Variants in SLC28A3 observed in about 807,000 individuals in gnomAD.
SLC28A3 encodes the protein concentrative Na(+)-nucleoside cotransporter 3.
SLC28A3 carries 68 observed loss-of-function variants against 84.2 expected under a neutral mutation model. The observed-to-expected ratio is 0.81, with a 90% CI of 0.66 to 0.99. SLC28A3 has a LOEUF of 0.99. Ranked by LOEUF, SLC28A3 falls within the 50% of genes least tolerant of loss-of-function variation. SLC28A3 has a pLI of 0.00. For synonymous variants in SLC28A3, 267 were observed against 303.6 expected (o/e 0.88, Z 1.25); for missense variants, 712 against 841.5 (o/e 0.85, Z 1.90).
At position 84,302,182 on chromosome 9, in the gene SLC28A3, A is replaced by T. The variant is rs755997498; in HGVS notation, c.524+18T>A. 17 of 1,609,514 alleles carry T rather than the reference A, an allele frequency of 1.1e-5. No individual in the cohort carries two copies. The African/African-American group carries it at 1.9e-4, about 18-fold the overall frequency. On this transcript the variant is annotated intron_variant, in intron 5 of 17. Transcript: ENST00000376238. ...TACTATCTCTCTTAACTGAAATAAGAGAACCAATTGCATTTACCACTTCAG... is the reference window on the plus strand; with the variant it reads ...TACTATCTCTCTTAACTGAAATAAGTGAACCAATTGCATTTACCACTTCAG...
chr9:84,349,808 G>T, the SLC28A3 span, among the ~76,000 whole-genome samples: 786 of 152,328 alleles, frequency 5.2e-3, 3 homozygotes, highest in African/African-American at 0.018. Flanking sequence ...GCAACTTATG[G>T]ATAAACAAGA....
chr9:84,341,821 A>G (rs1419285090), upstream of SLC28A3, among the ~76,000 whole-genome samples: 1 of 152,130 alleles, frequency 6.6e-6, no homozygotes, highest in African/African-American at 2.4e-5. Context: ...AAAATACTGC[A>G]AAACTGTGGA....
intron 1 of SLC28A3, among the ~76,000 whole-genome samples, chr9:84,333,752 A>G (rs1344405115): frequency 6.6e-6 from 1 of 152,206 alleles, no homozygotes; most frequent in East Asian, 1.9e-4. Flanking sequence ...AGCAAAGTTG[A>G]AAGTATATGT....
At chr9:84,315,394 C>T (rs978854185) in intron 1 of SLC28A3, among the ~76,000 whole-genome samples, 4 of 152,188 alleles carry the variant, frequency 2.6e-5, no homozygotes, top group Non-Finnish European at 5.9e-5. Flanking sequence ...CGGATCCTTA[C>T]GGAATCCTGA....
chr9:84,337,441 T>TGTGTGTGTGTGTGTGC (rs1364543892), intron 1 of SLC28A3, among the ~76,000 whole-genome samples: 408 of 151,016 alleles, frequency 2.7e-3, no homozygotes, highest in African/African-American at 9.8e-3. Context: ...CCTGTGTGTG[T>TGTGTGTGTGTGTGTGC]GCGCGCGCGT....
upstream of SLC28A3, among the ~76,000 whole-genome samples, chr9:84,344,948 C>T (rs1827225419): frequency 6.6e-6 from 1 of 152,064 alleles, no homozygotes; most frequent in African/African-American, 2.4e-5. Context: ...TAGGGCCTCC[C>T]AAGGGTTGTG....
In SLC28A3 at chr9:84,277,665, G is replaced by A. The variant is rs1824572493; in HGVS notation, c.*553C>T. ...TGGATTTAAACCCTGGTTTTGGTAT[G>A]ATCCACGTGTTCTCCTCAAGGACTC... On this transcript the variant is annotated 3_prime_UTR_variant, in exon 18 of 18. Coordinates refer to ENST00000376238, the MANE Select transcript of SLC28A3 (RefSeq NM_001199633.2). 6.6e-6 allele frequency: 1 copy of A among 152,406 alleles called. No individual in the cohort carries two copies. The highest frequency in any genetic ancestry group is 2.4e-5 in the African/African-American group (1 of 41,466). 9.4% of individuals were successfully genotyped at this position (152,406 alleles called of 1,614,324 possible). A position where few individuals can be genotyped will look rare whatever the true frequency, so the allele number is the denominator to read the frequency against.
chr9:84,279,770 A>C (rs1824667199), intron 16 of SLC28A3, among the ~76,000 whole-genome samples: 1 of 152,230 alleles, frequency 6.6e-6, no homozygotes, highest in East Asian at 1.9e-4. Flanking sequence ...TATTTTATTA[A>C]TTAAGGAAGT....
At position 84,276,222 on chromosome 9, in the gene SLC28A3, T is replaced by A. The variant is rs1306304692; in HGVS notation, c.*1996A>T. The A allele has an allele frequency of 2.0e-5, 3 of 152,126 alleles. No homozygotes were observed. The highest frequency in any genetic ancestry group is 4.4e-5 in the Non-Finnish European group (3 of 68,032). The allele number at this position is 152,126 out of a possible 1,614,324, so 9.4% of individuals were successfully genotyped here. A position where few individuals can be genotyped will look rare whatever the true frequency, so the allele number is the denominator to read the frequency against. ...AAGTATTATCAGTAAAACTTTAGTGTCTCAACTGAGATATGCAAACCAGAC... is the reference window on the plus strand; with the variant it reads ...AAGTATTATCAGTAAAACTTTAGTGACTCAACTGAGATATGCAAACCAGAC... On this transcript the variant is annotated 3_prime_UTR_variant, in exon 18 of 18. Coordinates refer to ENST00000376238, the MANE Select transcript of SLC28A3 (RefSeq NM_001199633.2).
At chr9:84,347,812 C>T in the SLC28A3 span, among the ~76,000 whole-genome samples, 5 of 152,238 alleles carry the variant, frequency 3.3e-5, no homozygotes, top group South Asian at 4.2e-4. Flanking sequence ...TGGTGCTTAG[C>T]GTAGTGCTTG....
upstream of SLC28A3, among the ~76,000 whole-genome samples, chr9:84,342,078 G>A (rs1159678983): frequency 2.2e-5 from 3 of 134,716 alleles, no homozygotes; most frequent in Admixed American, 8.3e-5. Context: ...GCAGTGAGCC[G>A]AAAACGCACC....
At position 84,327,021 on chromosome 9, in the gene SLC28A3, A is replaced by C. The variant is rs769673571; in HGVS notation, c.60+13553T>G. On this transcript the variant is annotated intron_variant, in intron 1 of 17. Coordinates refer to ENST00000376238, the MANE Select transcript of SLC28A3 (RefSeq NM_001199633.2). ...AGATTCTGTCTCAAAAAACAAAAAC[A>C]AAAACACCCAAAAAACATAGCACCT... Among the ~76,000 whole-genome samples, 505 of 151,634 alleles carry C rather than the reference A, an allele frequency of 3.3e-3. 3 individuals are homozygous for C. Among genetic ancestry groups the C allele is most frequent in the Non-Finnish European group, 4.7e-3 (317 of 68,018 alleles).
At chr9:84,355,810 C>CTTATTTTATT in the SLC28A3 span, among the ~76,000 whole-genome samples, 2 of 151,664 alleles carry the variant, frequency 1.3e-5, no homozygotes, top group African/African-American at 4.9e-5. Context: ...TCTTCCTTTT[C>CTTATTTTATT]TTATTTTATT....
chr9:84,355,660 G>A, the SLC28A3 span, among the ~76,000 whole-genome samples: 7 of 152,060 alleles, frequency 4.6e-5, no homozygotes, highest in Non-Finnish European at 8.8e-5. Flanking sequence ...GGGAACTTGA[G>A]CAGTTTATGC....
intron 1 of SLC28A3, among the ~76,000 whole-genome samples, chr9:84,314,079 A>G (rs186161167): frequency 6.6e-5 from 10 of 152,270 alleles, no homozygotes; most frequent in Admixed American, 5.9e-4. Flanking sequence ...TTCAACTTAT[A>G]AAATGAACTA....
chr9:84,354,669 G>A, the SLC28A3 span, among the ~76,000 whole-genome samples: 8 of 152,102 alleles, frequency 5.3e-5, no homozygotes, highest in South Asian at 4.1e-4. Flanking sequence ...GCAACATGGC[G>A]AAACCCTGTC....
At chr9:84,367,331 A>G in the SLC28A3 span, among the ~76,000 whole-genome samples, 1 of 152,124 alleles carries the variant, frequency 6.6e-6, no homozygotes, top group East Asian at 1.9e-4. Flanking sequence ...AGATATCCAC[A>G]AGCCAGGTCC....
chr9:84,366,469 C>T, the SLC28A3 span, among the ~76,000 whole-genome samples: 1 of 152,104 alleles, frequency 6.6e-6, no homozygotes, highest in Non-Finnish European at 1.5e-5. Context: ...GGTGTCTGGG[C>T]ATTGAAGAGT....
At chr9:84,338,814 A>G (rs1156780807) in intron 1 of SLC28A3, among the ~76,000 whole-genome samples, 1 of 152,156 alleles carries the variant, frequency 6.6e-6, no homozygotes, top group African/African-American at 2.4e-5. Flanking sequence ...AGAGATCAGG[A>G]TGTGCCACCC....
Sources: gnomAD v4.1 joint callset for allele counts (sites outside exome capture counted in the v4.1 genomes callset) on GRCh38, gnomAD v4.1.1 for gene constraint, MANE v1.5 for transcripts, NCBI Gene and HGNC (gene_info 2026-07-23, HGNC 2026-07-21) for gene names.